Variants in UBE3D observed in about 807,000 individuals in gnomAD.
UBE3D encodes the protein ubiquitin protein ligase E3D.
In UBE3D, 48 loss-of-function variants were observed where a neutral mutation model predicts 49.6. The ratio of observed to expected loss-of-function variants is 0.97; its 90% confidence interval spans 0.77 to 1.23. UBE3D has a LOEUF of 1.23. Ranked by LOEUF, UBE3D falls within the 50% of genes most tolerant of loss-of-function variation. The pLI is 0.00. For synonymous variants in UBE3D, 189 were observed against 174.2 expected (o/e 1.08, Z -0.67); for missense variants, 452 against 468.4 (o/e 0.96, Z 0.32).
intron 8 of UBE3D, among the ~76,000 whole-genome samples, chr6:82,991,695 G>A (rs1380798656): frequency 2.0e-5 from 3 of 151,972 alleles, no homozygotes; most frequent in African/African-American, 7.3e-5. Context: ...TTATCATTTT[G>A]AAAATTAAAA....
intron 9 of UBE3D, among the ~76,000 whole-genome samples, chr6:82,908,165 GAC>G (rs1475683194): frequency 6.6e-6 from 1 of 152,150 alleles, no homozygotes; most frequent in Non-Finnish European, 1.5e-5. Context: ...AGAAAATAGA[GAC>G]AATGGTTTTC....
rs545772240 is a variant in UBE3D at position 82,962,400 on chromosome 6, G to A, written c.1011-4950C>T. Among the ~76,000 whole-genome samples, 4 of 152,234 alleles carry A rather than the reference G, an allele frequency of 2.6e-5. No individual in the cohort carries two copies. In the South Asian group the frequency reaches 8.3e-4, roughly 32 times the overall value. ...TGTCACTCATCAGTGAGTGATCATG[G>A]ACAAGCACTCTGGAGCCTAATTTCC... is the stretch of plus-strand genomic sequence containing the variant. On this transcript the variant is annotated intron_variant, in intron 8 of 9. Coordinates refer to ENST00000369747, the MANE Select transcript of UBE3D (RefSeq NM_198920.3).
intron 8 of UBE3D, among the ~76,000 whole-genome samples, chr6:82,962,557 C>T (rs527468669): frequency 2.0e-5 from 3 of 152,296 alleles, no homozygotes; most frequent in African/African-American, 4.8e-5. Context: ...ATTTTAGTTA[C>T]CCATGTCTCT....
intron 8 of UBE3D, among the ~76,000 whole-genome samples, chr6:83,000,669 T>C (rs1034270595): frequency 5.3e-5 from 8 of 152,292 alleles, no homozygotes; most frequent in Non-Finnish European, 7.4e-5. Context: ...CAAGTCCCTT[T>C]GGGTCCCTGA....
intron 9 of UBE3D, among the ~76,000 whole-genome samples, chr6:82,940,585 T>G (rs901798955): frequency 2.0e-5 from 3 of 152,134 alleles, no homozygotes; most frequent in African/African-American, 7.2e-5. Flanking sequence ...TGAGTGAAAA[T>G]TCTAGGGAGT....
At chr6:82,946,339 G>T (rs909457126) in intron 9 of UBE3D, among the ~76,000 whole-genome samples, 1 of 152,040 alleles carries the variant, frequency 6.6e-6, no homozygotes, top group Non-Finnish European at 1.5e-5. Context: ...TACAGGCCAG[G>T]AGAGAGTGGC....
chr6:82,895,983 A>G (rs1241282022), intron 9 of UBE3D, among the ~76,000 whole-genome samples: 1 of 152,242 alleles, frequency 6.6e-6, no homozygotes, highest in Non-Finnish European at 1.5e-5. Context: ...AATGAAAAAG[A>G]AAAAGTTTAA....
downstream of UBE3D, among the ~76,000 whole-genome samples, chr6:82,891,496 T>A (rs961035908): frequency 6.6e-6 from 1 of 152,234 alleles, no homozygotes; most frequent in Non-Finnish European, 1.5e-5. Context: ...AATTCTCTTC[T>A]GTGGCTGTGA....
chr6:82,903,960 A>G (rs1771918101), intron 9 of UBE3D, among the ~76,000 whole-genome samples: 1 of 152,142 alleles, frequency 6.6e-6, no homozygotes, highest in South Asian at 2.1e-4. Flanking sequence ...TTTATACAGA[A>G]CTGTTCACTG....
chr6:82,968,605 TTTTTAA>T (rs1777119857), intron 8 of UBE3D, among the ~76,000 whole-genome samples: 1 of 152,182 alleles, frequency 6.6e-6, no homozygotes, highest in African/African-American at 2.4e-5. Flanking sequence ...GTATATGCAT[TTTTTAA>T]TTTTAATAGA....
intron 9 of UBE3D, among the ~76,000 whole-genome samples, chr6:82,917,668 A>G (rs1773024134): frequency 1.3e-5 from 2 of 152,248 alleles, no homozygotes; most frequent in Admixed American, 6.5e-5. Context: ...GGAGAATCCC[A>G]CAAACCTGGA....
chr6:83,060,060 AG>A (rs1491117957), intron 1 of UBE3D, among the ~76,000 whole-genome samples: 1 of 149,562 alleles, frequency 6.7e-6, no homozygotes, highest in Non-Finnish European at 1.5e-5. Flanking sequence ...TAATCTCATC[AG>A]GGGGGCCCCG....
chr6:82,981,008 T>C (rs1487467498), intron 8 of UBE3D, among the ~76,000 whole-genome samples: 3 of 152,100 alleles, frequency 2.0e-5, no homozygotes, highest in South Asian at 4.1e-4. Context: ...TTAATCAACG[T>C]AGTGATCATT....
intron 5 of UBE3D, chr6:83,032,434 G>A (rs1023006776): frequency 2.7e-6 from 1 of 365,590 alleles, no homozygotes; most frequent in African/African-American, 2.1e-5. Flanking sequence ...ATTTGGAATG[G>A]GTGTATTTAC....
chr6:83,057,981 A>C lies in UBE3D; in HGVS notation c.119T>G (p.Met40Arg). ...GGTTTTCATCTGGAGTGAAGATGGC[A>C]TTATGGAAATATTCATGGGCATACC... ...EGGMPMNISI[M>R]PSSLQMKTPE... Residue 40 changes from methionine (M) to arginine (R), a missense_variant, in exon 2 of 10, where the codon ATG (methionine) becomes AGG (arginine). Transcript: ENST00000369747. The C allele has an allele frequency of 6.2e-7, 1 of 1,614,194 alleles. No homozygotes were observed. The highest frequency in any genetic ancestry group is 8.5e-7 in the Non-Finnish European group (1 of 1,180,034).
intron 8 of UBE3D, among the ~76,000 whole-genome samples, chr6:82,997,168 C>A (rs1271401359): frequency 6.6e-6 from 1 of 152,110 alleles, no homozygotes; most frequent in Non-Finnish European, 1.5e-5. Context: ...AAGAACAACA[C>A]CACCACTTCT....
chr6:82,995,490 T>TCACACA lies in UBE3D; in HGVS notation c.1010+23477_1010+23482dup, dbSNP rs56663287. ...CCAGATAAAGGATTAATACTAACAA[T>TCACACA]CACACACACACACACACACACACAC... On this transcript the variant is annotated intron_variant, in intron 8 of 9. Coordinates refer to ENST00000369747, the MANE Select transcript of UBE3D (RefSeq NM_198920.3). Among the ~76,000 whole-genome samples, 508 of 138,266 alleles carry TCACACA rather than the reference T, an allele frequency of 3.7e-3. 4 individuals carry two copies. Among genetic ancestry groups the TCACACA allele is most frequent in the African/African-American group, 0.011 (397 of 35,684 alleles). 90.7% of individuals were successfully genotyped at this position (138,266 alleles called of 152,430 possible). A position where few individuals can be genotyped will look rare whatever the true frequency, so the allele number is the denominator to read the frequency against.
At chr6:83,043,822 T>C (rs1241137773) in intron 4 of UBE3D, among the ~76,000 whole-genome samples, 1 of 152,208 alleles carries the variant, frequency 6.6e-6, no homozygotes, top group Non-Finnish European at 1.5e-5. Flanking sequence ...TAAAATAAAG[T>C]AAAACACTTG....
downstream of UBE3D, among the ~76,000 whole-genome samples, chr6:82,888,026 T>C (rs1037831915): frequency 1.3e-5 from 2 of 152,160 alleles, no homozygotes; most frequent in African/African-American, 4.8e-5. Context: ...CACCAAAGAC[T>C]GGTTCCTTTC....
Sources: allele counts gnomAD v4.1 joint callset (sites outside exome capture counted in the v4.1 genomes callset), GRCh38; gene constraint gnomAD v4.1.1; transcripts MANE v1.5; gene names NCBI Gene and HGNC (gene_info 2026-07-23, HGNC 2026-07-21).